Variants in PACSIN1 observed in about 807,000 individuals in gnomAD.
PACSIN1 encodes protein kinase C and casein kinase substrate in neurons protein 1.
Under a neutral mutation model 59.5 loss-of-function variants are expected in PACSIN1, and 15 were observed. The ratio of observed to expected loss-of-function variants is 0.25; its 90% CI spans 0.17 to 0.39. The LOEUF (loss-of-function observed/expected upper bound fraction) is 0.39, where lower values mean the gene tolerates loss of function less well. Ranked by LOEUF, PACSIN1 falls within the 10% of genes least tolerant of loss-of-function variation. The pLI, the probability that PACSIN1 is intolerant of heterozygous loss-of-function variation, is 1.00. For missense variants in PACSIN1, 420 were observed against 580.2 expected (o/e 0.72, Z 2.84); for synonymous variants, 210 against 220.6 (o/e 0.95, Z 0.42).
chr6:34,487,948 G>A (rs1254119354), intron 1 of PACSIN1, among the ~76,000 whole-genome samples: 1 of 152,116 alleles, frequency 6.6e-6, no homozygotes, highest in Non-Finnish European at 1.5e-5. Flanking sequence ...ATCCCACCTG[G>A]GAACAGCTTC....
chr6:34,467,183 A>G (rs1465925500), intron 1 of PACSIN1, among the ~76,000 whole-genome samples: 3 of 152,188 alleles, frequency 2.0e-5, no homozygotes, highest in Non-Finnish European at 2.9e-5. Flanking sequence ...TGGCCTTTCT[A>G]TCACAAGTCC....
intron 1 of PACSIN1, among the ~76,000 whole-genome samples, chr6:34,481,642 C>G (rs1766721582): frequency 6.6e-6 from 1 of 151,322 alleles, no homozygotes; most frequent in Non-Finnish European, 1.5e-5. Context: ...TGCACTCCAG[C>G]CTGGGCGACA....
At chr6:34,523,377 CGGAGCCCCT>C (rs945119156) in intron 1 of PACSIN1, among the ~76,000 whole-genome samples, 2 of 152,224 alleles carry the variant, frequency 1.3e-5, no homozygotes, top group African/African-American at 4.8e-5. Context: ...TGTTACATCC[CGGAGCCCCT>C]GGATTCTCAG....
chr6:34,483,541 A>C (rs1196055778), intron 1 of PACSIN1, among the ~76,000 whole-genome samples: 1 of 151,376 alleles, frequency 6.6e-6, no homozygotes, highest in Admixed American at 6.6e-5. Context: ...AGCTGGGCAC[A>C]TGAGCTCCAA....
At chr6:34,508,097 C>T (rs989647641) in intron 1 of PACSIN1, among the ~76,000 whole-genome samples, 2 of 137,254 alleles carry the variant, frequency 1.5e-5, no homozygotes, top group Non-Finnish European at 3.2e-5. Context: ...TATGGTAGTT[C>T]TTTTTTTGTT....
At position 34,532,854 on chromosome 6, in the gene PACSIN1, C is replaced by A. The variant is rs979052372; in HGVS notation, c.*324C>A. 3.5e-5 allele frequency: 8 copies of A among 231,090 alleles called. No individual in the cohort carries two copies. The highest frequency in any genetic ancestry group is 1.6e-4 in the African/African-American group (7 of 43,526). 14.3% of individuals were successfully genotyped at this position (231,090 alleles called of 1,614,324 possible). ...GATGGATGTCTCCTGACCCTTCCAC[C>A]CCGCCTCACTCCCTCCGTCCCACTC... On this transcript the variant is annotated 3_prime_UTR_variant, in exon 10 of 10. Transcript: ENST00000244458. The surrounding 1 kb of genome is among the most constrained non-coding windows in gnomAD (Gnocchi z 5.2).
At position 34,533,046 on chromosome 6, in the gene PACSIN1, A is replaced by G. The variant is rs933054284; in HGVS notation, c.*516A>G. On this transcript the variant is annotated 3_prime_UTR_variant, in exon 10 of 10. Transcript: ENST00000244458. ...TTTAGTTTTCCACTCTGCCCCGGGG[A>G]GCACCCTTCTACTCCTAGCCACGTC... 6.5e-6 allele frequency: 1 copy of G among 152,870 alleles called. No homozygotes were observed. Among genetic ancestry groups the G allele is most frequent in the African/African-American group, 2.4e-5 (1 of 41,394 alleles). 9.5% of individuals were successfully genotyped at this position (152,870 alleles called of 1,614,324 possible).
rs1767616506 is a variant in PACSIN1 at position 34,532,391 on chromosome 6, C to G, written c.1226-30C>G. 6.9e-7 allele frequency: 1 copy of G among 1,453,658 alleles called. No individual in the cohort carries two copies. Among genetic ancestry groups the G allele is most frequent in the Non-Finnish European group, 9.5e-7 (1 of 1,057,448 alleles). The allele number at this position is 1,453,658 out of a possible 1,614,324, so 90.0% of individuals were successfully genotyped here. A position where few individuals can be genotyped will look rare whatever the true frequency, so the allele number is the denominator to read the frequency against. Reference sequence around the variant, plus strand: ...CGTTGAGGGAGGGGCAGCCTTCTCTCTGAGCCCCTCCCTGTGTTCTCTTTC... The same window carrying G: ...CGTTGAGGGAGGGGCAGCCTTCTCTGTGAGCCCCTCCCTGTGTTCTCTTTC... On this transcript the variant is annotated intron_variant, in intron 9 of 9. Coordinates refer to ENST00000244458, the MANE Select transcript of PACSIN1 (RefSeq NM_020804.5). This position sits in a 1 kb window ranked among gnomAD's most constrained non-coding sequence, Gnocchi z 5.2.
Position 34,533,502 on chromosome 6 carries a change from G to A in PACSIN1, c.*972G>A, listed in dbSNP as rs1370491456. ...CCCTGGCCCCCCACTCTCCCTCCATGTCCATCCAAAAACCATAAAATCACT... is the reference window on the plus strand; with the variant it reads ...CCCTGGCCCCCCACTCTCCCTCCATATCCATCCAAAAACCATAAAATCACT... On this transcript the variant is annotated 3_prime_UTR_variant, in exon 10 of 10. Coordinates refer to ENST00000244458, the MANE Select transcript of PACSIN1 (RefSeq NM_020804.5). 6.6e-6 allele frequency: 1 copy of A among 152,484 alleles called. No individual in the cohort carries two copies. The highest frequency in any genetic ancestry group is 1.5e-5 in the Non-Finnish European group (1 of 68,294). 9.4% of individuals were successfully genotyped at this position (152,484 alleles called of 1,614,324 possible).
chr6:34,522,663 T>C (rs1767414145), intron 1 of PACSIN1, among the ~76,000 whole-genome samples: 1 of 152,190 alleles, frequency 6.6e-6, no homozygotes, highest in Admixed American at 6.5e-5. Flanking sequence ...CATGTTACGC[T>C]GTCTGTGAGC....
intron 1 of PACSIN1, among the ~76,000 whole-genome samples, chr6:34,473,313 G>A (rs1176787605): frequency 2.6e-5 from 4 of 152,282 alleles, no homozygotes; most frequent in Middle Eastern, 3.4e-3. Context: ...AGGGGCTGGG[G>A]AGGAAATCAG....
rs150117187 is a variant in PACSIN1 at position 34,488,073 on chromosome 6, T to A, written c.-64+21803T>A. ...TCTGGGCCACAACAGACACTTGCACTCTCCCTCTTCAATGACCCTGACCTT... is the reference window on the plus strand; with the variant it reads ...TCTGGGCCACAACAGACACTTGCACACTCCCTCTTCAATGACCCTGACCTT... On this transcript the variant is annotated intron_variant, in intron 1 of 9. Coordinates refer to ENST00000244458, the MANE Select transcript of PACSIN1 (RefSeq NM_020804.5). This position sits in a 1 kb window ranked among gnomAD's most constrained non-coding sequence, Gnocchi z 4.7. Among the ~76,000 whole-genome samples, 1 of 152,066 alleles carries A rather than the reference T, an allele frequency of 6.6e-6. No homozygotes were observed. Among genetic ancestry groups the A allele is most frequent in the East Asian group, 1.9e-4 (1 of 5,156 alleles).
intron 1 of PACSIN1, among the ~76,000 whole-genome samples, chr6:34,508,211 C>T (rs758479508): frequency 6.6e-6 from 1 of 152,144 alleles, no homozygotes; most frequent in African/African-American, 2.4e-5. Context: ...TCAAGCAATT[C>T]TCCTGCCTCA....
At chr6:34,473,097 G>A (rs141478833) in intron 1 of PACSIN1, among the ~76,000 whole-genome samples, 2 of 152,054 alleles carry the variant, frequency 1.3e-5, no homozygotes, top group Non-Finnish European at 1.5e-5. Context: ...AGCACCTGTC[G>A]TCGAGGAATG....
At chr6:34,508,059 A>T (rs1767140579) in intron 1 of PACSIN1, among the ~76,000 whole-genome samples, 1 of 152,160 alleles carries the variant, frequency 6.6e-6, no homozygotes, top group South Asian at 2.1e-4. Flanking sequence ...CCTTTGGGTA[A>T]ATACCCAGAA....
chr6:34,530,605 AG>A lies in PACSIN1; in HGVS notation c.1037+19del, dbSNP rs1182376775. 6.5e-7 allele frequency: 1 copy of A among 1,540,118 alleles called. No homozygotes were observed. The highest frequency in any genetic ancestry group is 1.3e-5 in the South Asian group (1 of 79,326). The stretch of plus-strand genomic sequence containing the variant: ...CGCGGCAGGTGAGTGCCTCCTGTGG[AG>A]CTTCCTGGGGCCAAGAGGGACCCAC... On this transcript the variant is annotated intron_variant, in intron 8 of 9. Transcript: ENST00000244458. This position sits in a 1 kb window ranked among gnomAD's most constrained non-coding sequence, Gnocchi z 4.4.
At chr6:34,495,710 C>T (rs1019123616) in intron 1 of PACSIN1, among the ~76,000 whole-genome samples, 2 of 152,206 alleles carry the variant, frequency 1.3e-5, no homozygotes, top group African/African-American at 4.8e-5. Flanking sequence ...ACCTCGGCCT[C>T]CTAAAGTGCT....
At chr6:34,486,606 T>G (rs1314759968) in intron 1 of PACSIN1, among the ~76,000 whole-genome samples, 1 of 152,122 alleles carries the variant, frequency 6.6e-6, no homozygotes, top group Non-Finnish European at 1.5e-5. Context: ...CCATCGCTGG[T>G]CCTCTTCCTC....
chr6:34,496,718 G>T lies in PACSIN1; in HGVS notation c.-63-29525G>T, dbSNP rs1460729020. 2.6e-5 allele frequency among the ~76,000 whole-genome samples: 4 copies of T among 152,146 alleles called. No homozygotes were observed. The East Asian group carries it at 7.7e-4, about 29-fold the overall frequency. On this transcript the variant is annotated intron_variant, in intron 1 of 9. Transcript: ENST00000244458. ...GGTTAGACCAGACAAAATGGCTTTG[G>T]GTGGCCCCTTCCAACTCTGGATTCC...
Sources: allele counts gnomAD v4.1 joint callset (sites outside exome capture counted in the v4.1 genomes callset), GRCh38; gene constraint gnomAD v4.1.1; non-coding constraint Gnocchi (gnomAD v3.1); transcripts MANE v1.5; gene names NCBI Gene and HGNC (gene_info 2026-07-23, HGNC 2026-07-21).